The following MRPS21 variants were observed in gnomAD, a reference collection of about 807,000 sequenced individuals.
MRPS21 encodes the protein small ribosomal subunit protein bS21m.
A neutral mutation model predicts 9.9 loss-of-function variants in MRPS21; 8 were observed. That is an observed-to-expected ratio of 0.81 (90% CI 0.47 to 1.45). The LOEUF (loss-of-function observed/expected upper bound fraction) is 1.45, where lower values mean the gene tolerates loss of function less well. Among genes scored for constraint, MRPS21 ranks in the 40% most tolerant of loss-of-function variants. The pLI is 0.00. For missense variants in MRPS21, 101 were observed against 118.9 expected (o/e 0.85, Z 0.70); for synonymous variants, 40 against 40.3 (o/e 0.99, Z 0.03).
intron 2 of MRPS21, among the ~76,000 whole-genome samples, chr1:150,298,758 C>T (rs1009079832): frequency 6.6e-6 from 1 of 152,096 alleles, no homozygotes; most frequent in Non-Finnish European, 1.5e-5. Flanking sequence ...CATGCCACTA[C>T]CCCGGCTAAT....
intron 2 of MRPS21, among the ~76,000 whole-genome samples, chr1:150,297,456 G>T (rs1385438226): frequency 6.6e-6 from 1 of 152,090 alleles, no homozygotes; most frequent in African/African-American, 2.4e-5. Context: ...TGGATCACCT[G>T]AGGTCAGGAG....
chr1:150,298,429 G>A (rs1653991793), intron 2 of MRPS21, among the ~76,000 whole-genome samples: 1 of 152,218 alleles, frequency 6.6e-6, no homozygotes, highest in Non-Finnish European at 1.5e-5. Flanking sequence ...TGAGATGTTT[G>A]TTATTGAAAG....
intron 2 of MRPS21, among the ~76,000 whole-genome samples, chr1:150,302,523 A>T (rs1377481680): frequency 6.6e-6 from 1 of 152,128 alleles, no homozygotes; most frequent in African/African-American, 2.4e-5. Flanking sequence ...CTACACTGAC[A>T]TGTGAGTCTG....
At chr1:150,299,567 G>C (rs587648666) in intron 2 of MRPS21, among the ~76,000 whole-genome samples, 53 of 152,124 alleles carry the variant, frequency 3.5e-4, no homozygotes, top group African/African-American at 1.2e-3. Context: ...TGATTCTCCT[G>C]CCTCAGCCCC....
At chr1:150,295,150 C>T (rs1170337251) in intron 2 of MRPS21, among the ~76,000 whole-genome samples, 1 of 151,878 alleles carries the variant, frequency 6.6e-6, no homozygotes, top group African/African-American at 2.4e-5. Context: ...CTCCCGCCAC[C>T]ACGCCCGGTT....
At chr1:150,304,735 A>G (rs149000906) in intron 2 of MRPS21, 13,253 of 167,188 alleles carry the variant, frequency 0.079, 716 homozygotes, top group Non-Finnish European at 0.11. Flanking sequence ...CTGCCTGGGC[A>G]ACAGAGCGAG....
At chr1:150,300,168 C>T (rs587722662) in intron 2 of MRPS21, among the ~76,000 whole-genome samples, 2 of 152,134 alleles carry the variant, frequency 1.3e-5, no homozygotes, top group East Asian at 3.9e-4. Flanking sequence ...CATGGTAAAA[C>T]CCCGTCTCTA....
At chr1:150,304,906 G>A (rs147716286) in intron 2 of MRPS21, 21 of 284,650 alleles carry the variant, frequency 7.4e-5, no homozygotes, top group African/African-American at 4.9e-4. Flanking sequence ...ACAAAAATTA[G>A]CTGGTGCTTG....
At position 150,308,733 on chromosome 1, in the gene MRPS21, G is replaced by A; in HGVS notation, c.*505G>A. ...CGCCTGTAATCCCAGATACTTGGGT[G>A]GCTGAGGCAGGAGAATTGCTTGAAC... On this transcript the variant is annotated 3_prime_UTR_variant, in exon 3 of 3. Coordinates refer to ENST00000614145, the MANE Select transcript of MRPS21 (RefSeq NM_031901.6). 6.5e-6 allele frequency: 1 copy of A among 154,338 alleles called. No individual in the cohort carries two copies. The highest frequency in any genetic ancestry group is 5.6e-4 in the Middle Eastern group (1 of 1,782). 9.6% of individuals were successfully genotyped at this position (154,338 alleles called of 1,614,324 possible). A position where few individuals can be genotyped will look rare whatever the true frequency, so the allele number is the denominator to read the frequency against.
intron 2 of MRPS21, among the ~76,000 whole-genome samples, chr1:150,305,201 G>C (rs1654287144): frequency 1.1e-4 from 1 of 9,352 alleles, no homozygotes; most frequent in Non-Finnish European, 7.0e-4. Context: ...CACCATGTCT[G>C]GTTAATTTTT....
At chr1:150,307,169 G>C (rs71622689) in intron 2 of MRPS21, among the ~76,000 whole-genome samples, 16,838 of 150,924 alleles carry the variant, frequency 0.11, 1,303 homozygotes, top group African/African-American at 0.2. Context: ...CCTGCCTCCT[G>C]AGTAGCTGGG....
rs1553856097 is a variant in MRPS21, at chr1:150,293,913, A to C, written c.-33+15A>C. On this transcript the variant is annotated intron_variant, in intron 1 of 2. Coordinates refer to ENST00000614145, the MANE Select transcript of MRPS21 (RefSeq NM_031901.6). Reference sequence around the variant, plus strand: ...GAGCGCGCGAGGTGAGGAGTTGTGCAGGGTTTGGGGAAAGGAAGGCTGGCT... The same window carrying C: ...GAGCGCGCGAGGTGAGGAGTTGTGCCGGGTTTGGGGAAAGGAAGGCTGGCT... The C allele has an allele frequency of 2.1e-5, 4 of 190,112 alleles. No homozygotes were observed. The highest frequency in any genetic ancestry group is 4.5e-5 in the Non-Finnish European group (4 of 88,812). 11.8% of individuals were successfully genotyped at this position (190,112 alleles called of 1,614,324 possible). A position where few individuals can be genotyped will look rare whatever the true frequency, so the allele number is the denominator to read the frequency against.
At chr1:150,296,004 C>T (rs1217606423) in intron 2 of MRPS21, among the ~76,000 whole-genome samples, 1 of 148,506 alleles carries the variant, frequency 6.7e-6, no homozygotes, top group Non-Finnish European at 1.5e-5. Flanking sequence ...CAGGCTGGAG[C>T]GCAGTGGTGC....
intron 2 of MRPS21, among the ~76,000 whole-genome samples, chr1:150,305,964 C>T (rs587708319): frequency 4.8e-4 from 73 of 152,248 alleles, no homozygotes; most frequent in South Asian, 1.0e-3. Flanking sequence ...TGCTCATGTC[C>T]CTTTCCCTCT....
At position 150,308,183 on chromosome 1, in the gene MRPS21, CT is replaced by C; in HGVS notation, c.221del (p.Phe74SerfsTer2). Reference protein sequence around the residue: ...YNMEMARKINFLMRKNRADPW... With the variant: ...YNMEMARKINXLMRKNRADPW... Reference sequence around the variant, plus strand: ...ACATGGAAATGGCTCGCAAGATCAACTTCTTGATGCGAAAGAATCGGGCAGA... The same window carrying C: ...ACATGGAAATGGCTCGCAAGATCAACTCTTGATGCGAAAGAATCGGGCAGA... On this transcript the variant is annotated frameshift_variant, in exon 3 of 3. Transcript: ENST00000614145. LOFTEE classifies it high-confidence loss of function. 6.2e-7 allele frequency: 1 copy of C among 1,605,400 alleles called. No homozygotes were observed. Among genetic ancestry groups the C allele is most frequent in the Non-Finnish European group, 8.5e-7 (1 of 1,172,606 alleles).
chr1:150,306,118 G>A (rs782283401), intron 2 of MRPS21, among the ~76,000 whole-genome samples: 88 of 152,294 alleles, frequency 5.8e-4, no homozygotes, highest in Non-Finnish European at 1.0e-3. Context: ...TAGCACCAGA[G>A]TGACATGATC....
At chr1:150,295,752 C>T (rs193029710) in intron 2 of MRPS21, among the ~76,000 whole-genome samples, 1 of 149,470 alleles carries the variant, frequency 6.7e-6, no homozygotes, top group East Asian at 2.0e-4. Context: ...ATCTGGTAAA[C>T]ATAGCAAGAC....
chr1:150,301,405 G>C, intron 2 of MRPS21: 1 of 214,534 alleles, frequency 4.7e-6, no homozygotes, highest in South Asian at 4.5e-5. Flanking sequence ...GGCTGAGGCA[G>C]GAGAATCGCT....
intron 2 of MRPS21, among the ~76,000 whole-genome samples, chr1:150,297,844 T>G (rs2101904360): frequency 6.6e-6 from 1 of 152,330 alleles, no homozygotes; most frequent in South Asian, 2.1e-4. Flanking sequence ...CTAACTCTCC[T>G]ATTTCATACC....
Sources: allele counts gnomAD v4.1 joint callset (sites outside exome capture counted in the v4.1 genomes callset), GRCh38; gene constraint gnomAD v4.1.1; transcripts MANE v1.5; gene names NCBI Gene and HGNC (gene_info 2026-07-23, HGNC 2026-07-21).